CEP44: variants seen among roughly 807,000 people sequenced by gnomAD.
CEP44 encodes centrosomal protein of 44 kDa.
A neutral mutation model predicts 46.7 loss-of-function variants in CEP44; 45 were observed. That is an observed-to-expected ratio of 0.96 (90% CI 0.76 to 1.24). CEP44 has a LOEUF of 1.24. CEP44 is among the 50% of genes most tolerant of loss of function. The probability of loss-of-function intolerance (pLI) is 0.00; values close to 1 mark genes in which losing one functional copy is unlikely to be tolerated. For missense variants in CEP44, 475 were observed against 459.7 expected (o/e 1.03, Z -0.30); for synonymous variants, 142 against 146.0 (o/e 0.97, Z 0.20).
chr4:174,327,154 CGT>C (rs746480265), intron 8 of CEP44, among the ~76,000 whole-genome samples: 345 of 143,166 alleles, frequency 2.4e-3, no homozygotes, highest in Non-Finnish European at 3.5e-3. Flanking sequence ...TGTGTGTATA[CGT>C]GTGTGTGTGT....
At position 174,295,149 on chromosome 4, in the gene CEP44, A is replaced by T. The variant is rs1375876003; in HGVS notation, c.-147-2817A>T. ...GGGCTGACCCTCACCTCCCTCCCGG[A>T]TGGGGTGGCTGCCGGGCAGAGACGC... On this transcript the variant is annotated intron_variant, in intron 1 of 11. Transcript: ENST00000503780. Among the ~76,000 whole-genome samples, 6 of 149,938 alleles carry T rather than the reference A, an allele frequency of 4.0e-5. No homozygotes were observed. In the East Asian group the frequency reaches 1.2e-3, roughly 30 times the overall value.
chr4:174,327,251 T>A (rs1234987247), intron 8 of CEP44, among the ~76,000 whole-genome samples: 1 of 151,084 alleles, frequency 6.6e-6, no homozygotes, highest in Non-Finnish European at 1.5e-5. Context: ...TAATAAAATA[T>A]GTGCATGAAC....
chr4:174,308,910 T>C, intron 7 of CEP44, 51 bp downstream of exon 7: 1 of 1,470,452 alleles, frequency 6.8e-7, no homozygotes, highest in East Asian at 2.3e-5. Flanking sequence ...TACTTAAATA[T>C]GTGTAATTAT....
rs145250498 is a variant in CEP44, at chr4:174,329,949, C to T, written c.1087-1533C>T. ...TATTATAGTTTCAACTTTCATACTT[C>T]GTATTAAAATGATTGTATAAGAAAA... is the stretch of plus-strand genomic sequence containing the variant. On this transcript the variant is annotated intron_variant, in intron 8 of 8. Coordinates refer to the CEP44 transcript ENST00000426172. The surrounding 1 kb of genome is among the most constrained non-coding windows in gnomAD (Gnocchi z 4.0). Among the ~76,000 whole-genome samples the T allele has an allele frequency of 2.4e-3, 363 of 152,012 alleles. 5 individuals carry two copies. In the East Asian group the frequency reaches 0.035, roughly 15 times the overall value.
downstream of CEP44, among the ~76,000 whole-genome samples, chr4:174,320,630 T>G (rs1376352088): frequency 6.7e-6 from 1 of 149,796 alleles, no homozygotes; most frequent in African/African-American, 2.5e-5. Flanking sequence ...AACAAAGGCT[T>G]GAAAGGAAGA....
chr4:174,332,150 T>C (rs1287549956), exon 9 of CEP44: 2 of 152,980 alleles, frequency 1.3e-5, no homozygotes, highest in Non-Finnish European at 2.9e-5. Context: ...GGTTAAGATA[T>C]AGCTCAACAG....
At position 174,295,220 on chromosome 4, in the gene CEP44, A is replaced by G. The variant is rs543294781; in HGVS notation, c.-147-2746A>G. ...TGGCTGCCGGGCGGAGGGGCTCCTC[A>G]CTTCTCATATGGGGCGGTTGCCAGG... On this transcript the variant is annotated intron_variant, in intron 1 of 11. Coordinates refer to ENST00000503780, the MANE Select transcript of CEP44 (RefSeq NM_001040157.3). Among the ~76,000 whole-genome samples the G allele has an allele frequency of 2.2e-4, 32 of 147,752 alleles. No homozygotes were observed. In the East Asian group the frequency reaches 6.9e-3, roughly 32 times the overall value.
rs763703431 is a variant in CEP44, at chr4:174,308,767, G to C, written c.586G>C (p.Asp196His). The change falls in exon 7 of 12, where the codon GAT (aspartate) becomes CAT (histidine). Residue 196 changes from aspartate (D) to histidine (H), a missense_variant. By Grantham distance (81) the Asp-to-His change is moderately conservative (BLOSUM62 -1). Transcript: ENST00000503780. ...ISEDTLSPITDVNEAVDVSDL... is the reference protein window; with the variant it reads ...ISEDTLSPITHVNEAVDVSDL... ...TGAGGATACATTAAGTCCAATAACA[G>C]ATGTTAATGAAGCAGTTGATGTGTC... The C allele has an allele frequency of 1.2e-6, 2 of 1,612,508 alleles. No individual in the cohort carries two copies. The highest frequency in any genetic ancestry group is 2.2e-5 in the East Asian group (1 of 44,828).
rs762219596 is a variant in CEP44 at position 174,286,794 on chromosome 4, A to G, written c.-148+2851A>G. The stretch of plus-strand genomic sequence containing the variant: ...TTTTAAAAAATGAATCATTTTGTTT[A>G]AAGTCTCAGTTCGTTCAAATCTTTT... On this transcript the variant is annotated intron_variant, in intron 1 of 11. Coordinates refer to ENST00000503780, the MANE Select transcript of CEP44 (RefSeq NM_001040157.3). This position sits in a 1 kb window ranked among gnomAD's most constrained non-coding sequence, Gnocchi z 5.2. 2.6e-5 allele frequency among the ~76,000 whole-genome samples: 4 copies of G among 152,214 alleles called. No homozygotes were observed. Among genetic ancestry groups the G allele is most frequent in the Non-Finnish European group, 5.9e-5 (4 of 68,024 alleles).
intron 1 of CEP44, among the ~76,000 whole-genome samples, chr4:174,292,609 A>G (rs1738366021): frequency 6.6e-6 from 1 of 151,898 alleles, no homozygotes; most frequent in Non-Finnish European, 1.5e-5. Flanking sequence ...ACCGGTGTTC[A>G]GGTTTGCTGA....
intron 1 of CEP44, among the ~76,000 whole-genome samples, chr4:174,293,539 A>G (rs1029377169): frequency 6.6e-6 from 1 of 152,158 alleles, no homozygotes; most frequent in African/African-American, 2.4e-5. Context: ...TGTTAGACTT[A>G]TAAGTGTTTT....
Position 174,286,748 on chromosome 4 carries a change from T to A in CEP44, c.-148+2805T>A, listed in dbSNP as rs777062599. Among the ~76,000 whole-genome samples, 2 of 152,224 alleles carry A rather than the reference T, an allele frequency of 1.3e-5. No individual in the cohort carries two copies. The highest frequency in any genetic ancestry group is 2.9e-5 in the Non-Finnish European group (2 of 68,036). ...ATTAGTCATTTAGAAATAAATTCCA[T>A]GCTATTACTTTTGGGGCAGTTTTTA... On this transcript the variant is annotated intron_variant, in intron 1 of 11. Coordinates refer to ENST00000503780, the MANE Select transcript of CEP44 (RefSeq NM_001040157.3). The surrounding 1 kb of genome is among the most constrained non-coding windows in gnomAD (Gnocchi z 5.2).
chr4:174,292,132 T>C (rs1178783658), intron 1 of CEP44, among the ~76,000 whole-genome samples: 1 of 152,164 alleles, frequency 6.6e-6, no homozygotes, highest in Non-Finnish European at 1.5e-5. Context: ...AGGTAATTAT[T>C]TTCAGTTGGC....
At chr4:174,302,965 G>C (rs1199956570) in intron 4 of CEP44, among the ~76,000 whole-genome samples, 1 of 151,908 alleles carries the variant, frequency 6.6e-6, no homozygotes, top group African/African-American at 2.4e-5. Flanking sequence ...TTGTATTTTA[G>C]TAGAGAGGGT....
chr4:174,315,788 C>T (rs1485221301), intron 9 of CEP44, among the ~76,000 whole-genome samples: 1 of 149,402 alleles, frequency 6.7e-6, no homozygotes, highest in Non-Finnish European at 1.5e-5. Flanking sequence ...TTGCAGTGAG[C>T]CGAGATCGCG....
chr4:174,308,100 T>G (rs920892914), intron 6 of CEP44, among the ~76,000 whole-genome samples: 1 of 152,198 alleles, frequency 6.6e-6, no homozygotes, highest in Non-Finnish European at 1.5e-5. Flanking sequence ...CGTTACTTGG[T>G]ATATACTTAA....
chr4:174,292,638 T>A (rs1476504555), intron 1 of CEP44, among the ~76,000 whole-genome samples: 1 of 152,194 alleles, frequency 6.6e-6, no homozygotes, highest in Non-Finnish European at 1.5e-5. Context: ...TTTGGTTGAT[T>A]GAGTCTGTTG....
At position 174,318,068 on chromosome 4, in the gene CEP44, T is replaced by A; in HGVS notation, c.*685T>A. 1.0e-6 allele frequency: 1 copy of A among 985,386 alleles called. No individual in the cohort carries two copies. The highest frequency in any genetic ancestry group is 1.2e-6 in the Non-Finnish European group (1 of 829,964). 61.0% of individuals were successfully genotyped at this position (985,386 alleles called of 1,614,324 possible). On this transcript the variant is annotated 3_prime_UTR_variant, in exon 12 of 12. Coordinates refer to ENST00000503780, the MANE Select transcript of CEP44 (RefSeq NM_001040157.3). ...ATTTTAGTATGCTCTATTGTATAATTTTTTTGGAGGGGGGGATGGAGTTTC... is the reference window on the plus strand; with the variant it reads ...ATTTTAGTATGCTCTATTGTATAATATTTTTGGAGGGGGGGATGGAGTTTC...
rs948912320 is a variant in CEP44, at chr4:174,331,658, C to T, written c.*63C>T. The T allele has an allele frequency of 6.6e-6, 10 of 1,511,828 alleles. No individual in the cohort carries two copies. The highest frequency in any genetic ancestry group is 8.9e-6 in the Non-Finnish European group (10 of 1,124,114). The allele number at this position is 1,511,828 out of a possible 1,614,324, so 93.7% of individuals were successfully genotyped here. On this transcript the variant is annotated 3_prime_UTR_variant, in exon 9 of 9. Coordinates refer to the CEP44 transcript ENST00000426172. This position sits in a 1 kb window ranked among gnomAD's most constrained non-coding sequence, Gnocchi z 4.5. ...TGTACTCTGATGTTTCAGTGAAGCTCATCCACGAAGTCCAGAATTCTGCCT... is the reference window on the plus strand; with the variant it reads ...TGTACTCTGATGTTTCAGTGAAGCTTATCCACGAAGTCCAGAATTCTGCCT...
Sources: allele counts gnomAD v4.1 joint callset (sites outside exome capture counted in the v4.1 genomes callset), GRCh38; gene constraint gnomAD v4.1.1; non-coding constraint Gnocchi (gnomAD v3.1); transcripts MANE v1.5; gene names NCBI Gene and HGNC (gene_info 2026-07-23, HGNC 2026-07-21).